Variants in FBXO42 observed in about 807,000 individuals in gnomAD.
FBXO42 encodes F-box protein 42.
A neutral mutation model predicts 71.7 loss-of-function variants in FBXO42; 12 were observed. The ratio of observed to expected loss-of-function variants is 0.17; its 90% CI spans 0.11 to 0.27. The LOEUF is 0.27. FBXO42 is among the 10% of genes least tolerant of loss of function. FBXO42 has a pLI of 1.00. For synonymous variants in FBXO42, 325 were observed against 327.5 expected, an observed-to-expected ratio of 0.99 and a Z score of 0.08; for missense variants, 707 against 911.9, an observed-to-expected ratio of 0.78 and a Z score of 2.89.
At chr1:16,269,352 G>T (rs2081813831) in intron 4 of FBXO42, among the ~76,000 whole-genome samples, 1 of 151,256 alleles carries the variant, frequency 6.6e-6, no homozygotes, top group Admixed American at 6.6e-5. Flanking sequence ...GCCTCCCAAA[G>T]TGCTGGGATT....
In FBXO42 at chr1:16,255,697, C is replaced by A. The variant is rs953112033; in HGVS notation, c.767+14G>T. On this transcript the variant is annotated intron_variant, in intron 6 of 9. Transcript: ENST00000375592. ...TACCTTCAGGCTCATATGGAGCAAA[C>A]CAAATGTACTTACATTTGCCGGGAT... 2 of 1,601,610 alleles carry A rather than the reference C, an allele frequency of 1.2e-6. No individual in the cohort carries two copies. The highest frequency in any genetic ancestry group is 1.3e-5 in the African/African-American group (1 of 74,580).
intron 1 of FBXO42, among the ~76,000 whole-genome samples, chr1:16,323,727 T>C (rs375702269): frequency 2.1e-5 from 3 of 144,972 alleles, no homozygotes; most frequent in South Asian, 2.1e-4. Context: ...GAGGCGGAGA[T>C]TGCAGTGAGC....
chr1:16,253,250 A>G, intron 7 of FBXO42, 98 bp from the exon 8 acceptor site: 1 of 1,011,686 alleles, frequency 9.9e-7, no homozygotes, highest in Non-Finnish European at 1.5e-6. Flanking sequence ...CTAGCTCCCA[A>G]ATGGGAATAT....
intron 2 of FBXO42, among the ~76,000 whole-genome samples, chr1:16,312,696 A>T (rs377117212): frequency 6.6e-6 from 1 of 152,200 alleles, no homozygotes; most frequent in Non-Finnish European, 1.5e-5. Flanking sequence ...GTATAGGTTC[A>T]TCAATTTTAA....
intron 6 of FBXO42, 103 bp downstream of exon 6, chr1:16,255,608 T>A (rs2081634386): frequency 2.2e-6 from 2 of 928,206 alleles, no homozygotes; most frequent in Non-Finnish European, 3.2e-6. Context: ...ATGCTGGGAT[T>A]ACAGGTGTGA....
chr1:16,307,912 A>G (rs1014030100), intron 2 of FBXO42, among the ~76,000 whole-genome samples: 6 of 152,192 alleles, frequency 3.9e-5, no homozygotes, highest in Non-Finnish European at 5.9e-5. Context: ...CCAGCAAATT[A>G]TTTTGTGAAT....
chr1:16,273,391 C>T (rs2081865665), intron 4 of FBXO42, among the ~76,000 whole-genome samples: 1 of 152,076 alleles, frequency 6.6e-6, no homozygotes, highest in Admixed American at 6.6e-5. Flanking sequence ...GTTATATCAT[C>T]AGATCTTTCA....
intron 4 of FBXO42, among the ~76,000 whole-genome samples, chr1:16,284,608 G>T (rs2082001520): frequency 6.6e-6 from 1 of 152,108 alleles, no homozygotes; most frequent in Non-Finnish European, 1.5e-5. Context: ...AAGATGGGCA[G>T]ATCACAAGGT....
intron 4 of FBXO42, among the ~76,000 whole-genome samples, chr1:16,277,657 G>A (rs183735878): frequency 2.3e-3 from 347 of 151,128 alleles, no homozygotes; most frequent in African/African-American, 8.1e-3. Context: ...TCCAGGAGGC[G>A]GAGGTTGCAA....
At chr1:16,317,460 G>A (rs971914390) in intron 1 of FBXO42, among the ~76,000 whole-genome samples, 1 of 151,924 alleles carries the variant, frequency 6.6e-6, no homozygotes, top group Non-Finnish European at 1.5e-5. Flanking sequence ...CAGGCTTGGT[G>A]ATGCATGTGC....
intron 1 of FBXO42, among the ~76,000 whole-genome samples, chr1:16,316,355 G>C (rs906543759): frequency 6.6e-6 from 1 of 151,544 alleles, no homozygotes; most frequent in Non-Finnish European, 1.5e-5. Context: ...TTTTCACATC[G>C]CTCTAGTACA....
At position 16,283,494 on chromosome 1, in the gene FBXO42, G is replaced by GTTTTTTTTTTTTTTTTTTTTTTTTTT. The variant is rs386366300; in HGVS notation, c.502+11288_502+11289insAAAAAAAAAAAAAAAAAAAAAAAAAA. ...TTATAGACTCTTCTAACTGTGGCAA[G>GTTTTTTTTTTTTTTTTTTTTTTTTTT]TTTTTTTTTTTTTTTTTTTTTTTGA... On this transcript the variant is annotated intron_variant, in intron 4 of 9. Transcript: ENST00000375592. Among the ~76,000 whole-genome samples, 5 of 80,988 alleles carry GTTTTTTTTTTTTTTTTTTTTTTTTTT rather than the reference G, an allele frequency of 6.2e-5. 1 individual carries two copies. The highest frequency in any genetic ancestry group is 1.8e-4 in the African/African-American group (4 of 22,486). The allele number at this position is 80,988 out of a possible 152,430, so 53.1% of individuals were successfully genotyped here. A position where few individuals can be genotyped will look rare whatever the true frequency, so the allele number is the denominator to read the frequency against.
chr1:16,349,151 AT>A (rs1382701882), intron 1 of FBXO42, among the ~76,000 whole-genome samples: 4 of 152,076 alleles, frequency 2.6e-5, no homozygotes, highest in Admixed American at 6.6e-5. Flanking sequence ...CCATGACAGA[AT>A]TTTTTTTCAA....
intron 4 of FBXO42, among the ~76,000 whole-genome samples, chr1:16,261,526 G>A (rs1486108402): frequency 1.3e-5 from 2 of 152,080 alleles, no homozygotes; most frequent in South Asian, 2.1e-4. Flanking sequence ...CTTAATTTCA[G>A]CATCTTAATT....
chr1:16,350,750 A>AGG (rs1557612268), intron 1 of FBXO42, among the ~76,000 whole-genome samples: 3 of 127,774 alleles, frequency 2.3e-5, no homozygotes, highest in Non-Finnish European at 3.6e-5. Context: ...CTGCAAAAAA[A>AGG]AAAAAAAAAA....
At chr1:16,344,655 C>A (rs1051900047) in intron 1 of FBXO42, among the ~76,000 whole-genome samples, 1 of 151,872 alleles carries the variant, frequency 6.6e-6, no homozygotes, top group African/African-American at 2.4e-5. Flanking sequence ...ATTTTTAAAC[C>A]TTCTTATACA....
At chr1:16,270,754 A>G (rs1157846821) in intron 4 of FBXO42, among the ~76,000 whole-genome samples, 22 of 80,676 alleles carry the variant, frequency 2.7e-4, no homozygotes, top group African/African-American at 9.8e-4. Flanking sequence ...CATGAGATAC[A>G]CACACACACA....
intron 1 of FBXO42, among the ~76,000 whole-genome samples, chr1:16,333,460 GA>G (rs1331904192): frequency 5.3e-5 from 7 of 131,810 alleles, no homozygotes; most frequent in Non-Finnish European, 6.4e-5. Context: ...TTTCCAAGAA[GA>G]AAAAAAAAAT....
At chr1:16,270,155 C>T (rs1207895750) in intron 4 of FBXO42, among the ~76,000 whole-genome samples, 1 of 152,136 alleles carries the variant, frequency 6.6e-6, no homozygotes, top group Non-Finnish European at 1.5e-5. Context: ...CACGCCCAGC[C>T]ACTTTCTCTT....
Sources: gnomAD v4.1 joint callset for allele counts (sites outside exome capture counted in the v4.1 genomes callset) on GRCh38, gnomAD v4.1.1 for gene constraint, MANE v1.5 for transcripts, NCBI Gene and HGNC (gene_info 2026-07-23, HGNC 2026-07-21) for gene names.